The following ZMYM4 variants were observed in gnomAD, a reference collection of about 807,000 sequenced individuals.
ZMYM4 encodes the protein zinc finger MYM-type protein 4.
A neutral mutation model predicts 183.2 loss-of-function variants in ZMYM4; 31 were observed. The observed-to-expected ratio is 0.17, with a 90% CI of 0.13 to 0.23. The LOEUF is 0.23. ZMYM4 is among the 10% of genes least tolerant of loss of function. The pLI is 1.00. For missense variants in ZMYM4, 1,273 were observed against 1,840.3 expected (o/e 0.69, Z 5.64); for synonymous variants, 592 against 631.2 (o/e 0.94, Z 0.93).
At chr1:35,326,071 G>C (rs767399458) in intron 2 of ZMYM4, among the ~76,000 whole-genome samples, 6 of 151,944 alleles carry the variant, frequency 3.9e-5, no homozygotes, top group Non-Finnish European at 7.4e-5. Flanking sequence ...TTTATTGTAT[G>C]GCTGTATAAT....
chr1:35,413,519 C>T (rs1018562876), intron 26 of ZMYM4, among the ~76,000 whole-genome samples: 3 of 152,174 alleles, frequency 2.0e-5, no homozygotes, highest in Non-Finnish European at 4.4e-5. Flanking sequence ...TGGGTTTCCT[C>T]AGGTCAACTG....
chr1:35,309,783 TAAAAA>T (rs548958369), intron 1 of ZMYM4, among the ~76,000 whole-genome samples: 2,082 of 151,226 alleles, frequency 0.014, 52 homozygotes, highest in African/African-American at 0.047. Context: ...GACTCTGTCT[TAAAAA>T]AAAACCCACA....
rs551699505 is a variant in ZMYM4, at chr1:35,339,286, G to T, written c.85+13881G>T. ...TTTCACTCTTGTCACCCAAGCTGGA[G>T]TGCAGTGGCGCGATCTTTGCTCACT... is the stretch of plus-strand genomic sequence containing the variant. On this transcript the variant is annotated intron_variant, in intron 2 of 29. Coordinates refer to ENST00000314607, the MANE Select transcript of ZMYM4 (RefSeq NM_005095.3). 3.9e-5 allele frequency among the ~76,000 whole-genome samples: 6 copies of T among 151,920 alleles called. No individual in the cohort carries two copies. The South Asian group carries it at 1.2e-3, about 32-fold the overall frequency.
intron 1 of ZMYM4, among the ~76,000 whole-genome samples, chr1:35,285,073 G>A (rs1187403204): frequency 6.6e-6 from 1 of 151,784 alleles, no homozygotes; most frequent in African/African-American, 2.4e-5. Flanking sequence ...ACACTGTTTT[G>A]ATTACTGTAG....
intron 1 of ZMYM4, among the ~76,000 whole-genome samples, chr1:35,298,462 T>C (rs1570286207): frequency 6.6e-6 from 1 of 152,244 alleles, no homozygotes; most frequent in Non-Finnish European, 1.5e-5. Context: ...GAAGATAGGC[T>C]GGGACACTGG....
At chr1:35,412,755 C>A (rs1398927184) in intron 26 of ZMYM4, among the ~76,000 whole-genome samples, 2 of 151,956 alleles carry the variant, frequency 1.3e-5, no homozygotes, top group Non-Finnish European at 2.9e-5. Context: ...TACTGTTGAA[C>A]AACAAACTGT....
At chr1:35,391,858 T>C (rs1020288374) in intron 15 of ZMYM4, among the ~76,000 whole-genome samples, 1 of 151,216 alleles carries the variant, frequency 6.6e-6, no homozygotes, top group Admixed American at 6.6e-5. Context: ...CTGGCCAACA[T>C]GGTGAAACCC....
chr1:35,305,500 CTT>C (rs1462797509), intron 1 of ZMYM4, among the ~76,000 whole-genome samples: 3 of 149,480 alleles, frequency 2.0e-5, no homozygotes, highest in Non-Finnish European at 3.0e-5. Context: ...GGATTACAGA[CTT>C]GGGCCACCAT....
intron 1 of ZMYM4, among the ~76,000 whole-genome samples, chr1:35,274,616 T>TAA (rs75013095): frequency 4.5e-5 from 6 of 134,618 alleles, no homozygotes; most frequent in African/African-American, 1.5e-4. Context: ...TTTTTTTTTT[T>TAA]AAAAAAAAAA....
At chr1:35,347,167 G>A (rs1643428647) in intron 2 of ZMYM4, among the ~76,000 whole-genome samples, 1 of 152,076 alleles carries the variant, frequency 6.6e-6, no homozygotes, top group African/African-American at 2.4e-5. Context: ...CACCACACCT[G>A]GCTAATTACT....
chr1:35,419,690 G>T lies in ZMYM4; in HGVS notation c.*13G>T, dbSNP rs1042627894. 9 of 1,613,652 alleles carry T rather than the reference G, an allele frequency of 5.6e-6. No homozygotes were observed. Among genetic ancestry groups the T allele is most frequent in the African/African-American group, 1.3e-5 (1 of 74,908 alleles). ...ATTATCAGATTAAAACGGAAGTGAG[G>T]TTCTTATTTTCATACATATTGGTAT... On this transcript the variant is annotated 3_prime_UTR_variant, in exon 30 of 30. Transcript: ENST00000314607.
chr1:35,284,652 A>G (rs1281611624), intron 1 of ZMYM4, among the ~76,000 whole-genome samples: 3 of 152,148 alleles, frequency 2.0e-5, no homozygotes, highest in African/African-American at 4.8e-5. Flanking sequence ...TTAAACAACA[A>G]ATTTATTTCT....
chr1:35,394,576 G>A (rs908238958), intron 18 of ZMYM4, among the ~76,000 whole-genome samples: 2 of 152,168 alleles, frequency 1.3e-5, no homozygotes, highest in African/African-American at 2.4e-5. Flanking sequence ...CCATAGTGGA[G>A]TTTCTGTCAA....
In ZMYM4 at chr1:35,361,500, A is replaced by G. The variant is rs984304494; in HGVS notation, c.670-119A>G. ...CTTTTAGGCGTAGGCATAAGATCCA[A>G]AAGCTAATGAATGTCCATAGAGTTC... On this transcript the variant is annotated intron_variant, in intron 4 of 29. Transcript: ENST00000314607. 4 of 1,215,722 alleles carry G rather than the reference A, an allele frequency of 3.3e-6. No homozygotes were observed. In the African/African-American group the frequency reaches 4.7e-5, roughly 14 times the overall value. 75.3% of individuals were successfully genotyped at this position (1,215,722 alleles called of 1,614,324 possible).
chr1:35,392,615 G>T, intron 16 of ZMYM4, 32 bp from the exon 17 acceptor site: 1 of 1,567,662 alleles, frequency 6.4e-7, no homozygotes, highest in Non-Finnish European at 8.7e-7. Flanking sequence ...TAATTGTAAA[G>T]ATCCTAAATT....
intron 5 of ZMYM4, among the ~76,000 whole-genome samples, chr1:35,369,749 T>C (rs1644163441): frequency 6.6e-6 from 1 of 151,918 alleles, no homozygotes; most frequent in African/African-American, 2.4e-5. Context: ...TATAATACTT[T>C]AATAAAAATA....
chr1:35,384,876 A>G (rs904681063), intron 9 of ZMYM4, among the ~76,000 whole-genome samples: 2 of 117,652 alleles, frequency 1.7e-5, no homozygotes, highest in African/African-American at 6.7e-5. Context: ...GAATCTTCTC[A>G]TTCTGTCGCC....
At chr1:35,311,638 A>G (rs1024881860) in intron 1 of ZMYM4, among the ~76,000 whole-genome samples, 4 of 151,984 alleles carry the variant, frequency 2.6e-5, no homozygotes, top group African/African-American at 4.8e-5. Flanking sequence ...AGATCTAGAC[A>G]ATGAATTTGG....
chr1:35,377,211 T>G (rs907357572), intron 7 of ZMYM4, among the ~76,000 whole-genome samples: 1 of 152,230 alleles, frequency 6.6e-6, no homozygotes, highest in African/African-American at 2.4e-5. Flanking sequence ...CTGGCCCATA[T>G]GTGGACCATA....
Sources: allele counts gnomAD v4.1 joint callset (sites outside exome capture counted in the v4.1 genomes callset), GRCh38; gene constraint gnomAD v4.1.1; transcripts MANE v1.5; gene names NCBI Gene and HGNC (gene_info 2026-07-23, HGNC 2026-07-21).